The following EYA3 variants were observed in gnomAD, a reference collection of about 807,000 sequenced individuals.
EYA3 encodes EYA transcriptional coactivator and phosphatase 3, also known as protein phosphatase EYA3.
Under a neutral mutation model 80.0 loss-of-function variants are expected in EYA3, and 39 were observed. The ratio of observed to expected loss-of-function variants is 0.49; its 90% confidence interval spans 0.38 to 0.64. EYA3 has a LOEUF of 0.64. EYA3 is among the 30% of genes least tolerant of loss of function. The pLI, the probability that EYA3 is intolerant of heterozygous loss-of-function variation, is 0.00. For missense variants in EYA3, 523 were observed against 676.1 expected (o/e 0.77, Z 2.51); for synonymous variants, 206 against 232.8 (o/e 0.88, Z 1.05).
chr1:28,004,386 T>C lies in EYA3; in HGVS notation c.943A>G (p.Ile315Val). Residue 315 changes from isoleucine to valine, a missense_variant, in exon 11 of 18, where the codon ATC becomes GTC. This residue lies in a region of EYA3 where 219 missense variants were observed against 332.8 expected (regional missense o/e 0.66). Transcript: ENST00000373871. The stretch of plus-strand genomic sequence containing the variant: ...CCAGTAAGAAGTGAGTGGAAGATGA[T>C]GATGGTTTCATCCAAGTCCCACAGA... ...VFLWDLDETIIIFHSLLTGSY... is the reference protein window; with the variant it reads ...VFLWDLDETIVIFHSLLTGSY... 1 of 1,608,648 alleles carries C rather than the reference T, an allele frequency of 6.2e-7. No homozygotes were observed. Among genetic ancestry groups the C allele is most frequent in the Non-Finnish European group, 8.5e-7 (1 of 1,175,962 alleles).
intron 1 of EYA3, among the ~76,000 whole-genome samples, chr1:28,058,918 T>C (rs1183555862): frequency 6.6e-6 from 1 of 152,242 alleles, no homozygotes; most frequent in Non-Finnish European, 1.5e-5. Context: ...ACTCCATTTC[T>C]ATCTAACAAA....
At chr1:28,051,234 G>T (rs1324891606) in intron 2 of EYA3, among the ~76,000 whole-genome samples, 1 of 151,952 alleles carries the variant, frequency 6.6e-6, no homozygotes, top group African/African-American at 2.4e-5. Flanking sequence ...AAATCCTAAC[G>T]AATCCATTAA....
intron 1 of EYA3, among the ~76,000 whole-genome samples, chr1:28,074,613 G>GT (rs1387348064): frequency 6.6e-6 from 1 of 151,642 alleles, no homozygotes; most frequent in East Asian, 1.9e-4. Flanking sequence ...CACCATACCA[G>GT]GCCCTTTGAA....
At chr1:28,053,292 G>T (rs1340857969) in intron 2 of EYA3, among the ~76,000 whole-genome samples, 1 of 151,878 alleles carries the variant, frequency 6.6e-6, no homozygotes, top group Non-Finnish European at 1.5e-5. Flanking sequence ...TGAATTGTAG[G>T]ATATGTAAAT....
intron 2 of EYA3, among the ~76,000 whole-genome samples, chr1:28,054,485 C>T (rs1421555598): frequency 1.3e-5 from 2 of 152,204 alleles, no homozygotes; most frequent in Non-Finnish European, 2.9e-5. Flanking sequence ...TAAATAAGTT[C>T]TAACCCTCCA....
Position 28,075,368 on chromosome 1 carries a change from C to G in EYA3, c.-69+13156G>C, listed in dbSNP as rs74832332. 9.2e-3 allele frequency among the ~76,000 whole-genome samples: 1,399 copies of G among 152,324 alleles called. 10 individuals are homozygous for G. Among genetic ancestry groups the G allele is most frequent in the African/African-American group, 0.017 (700 of 41,574 alleles). On this transcript the variant is annotated intron_variant, in intron 1 of 17. Transcript: ENST00000373871. ...GATGGTGAGCACTCAAGTTGTTCAA[C>G]AACTGCCTTTAACTGTTTTCAATAA...
intron 5 of EYA3, among the ~76,000 whole-genome samples, chr1:28,038,267 T>C (rs936881433): frequency 1.3e-5 from 2 of 151,796 alleles, no homozygotes; most frequent in Non-Finnish European, 2.9e-5. Flanking sequence ...TGAAATCCCA[T>C]CTCTACTAAA....
chr1:28,077,864 C>G (rs897628179), intron 1 of EYA3, among the ~76,000 whole-genome samples: 2 of 152,110 alleles, frequency 1.3e-5, no homozygotes, highest in Non-Finnish European at 2.9e-5. Flanking sequence ...TTCTACATAC[C>G]TATATATCTC....
rs535864909 is a variant in EYA3 at position 28,059,039 on chromosome 1, AAAGT to A, written c.-68-949_-68-946del. 5.4e-3 allele frequency among the ~76,000 whole-genome samples: 830 copies of A among 152,374 alleles called. 6 individuals carry two copies. The highest frequency in any genetic ancestry group is 9.9e-3 in the Non-Finnish European group (672 of 68,024). ...CTGTACCTAACTCACATACAAAGCT[AAAGT>A]AAGTATATAATCTTATCACACAAGT... On this transcript the variant is annotated intron_variant, in intron 1 of 17. Transcript: ENST00000373871.
chr1:28,067,029 C>G (rs188900340), intron 1 of EYA3, among the ~76,000 whole-genome samples: 1 of 152,104 alleles, frequency 6.6e-6, no homozygotes, highest in East Asian at 1.9e-4. Context: ...ACAATAAAAC[C>G]AAGTGTTATC....
At chr1:27,998,664 A>T (rs1276809578) in intron 12 of EYA3, among the ~76,000 whole-genome samples, 2 of 151,694 alleles carry the variant, frequency 1.3e-5, no homozygotes, top group African/African-American at 2.4e-5. Context: ...ACTTGAGCTC[A>T]GGAGTTTGAG....
Position 27,989,783 on chromosome 1 carries a change from T to G in EYA3, c.1332A>C (p.Ala444=), listed in dbSNP as rs780993573. The G allele has an allele frequency of 6.2e-7, 1 of 1,611,228 alleles. No individual in the cohort carries two copies. Residue 444 remains alanine, a synonymous_variant, in exon 15 of 18, where the codon GCA becomes GCC. Coordinates refer to ENST00000373871, the MANE Select transcript of EYA3 (RefSeq NM_001990.4). ...CAATTTCTGCTCTTAATCTCTGCAG[T>G]GCTTCCTTCCTCTGGGGACTGAGGA... is the stretch of plus-strand genomic sequence containing the variant. The part of the protein sequence containing the change: ...GGLLSPQRKE[A]LQRLRAEIEV...
intron 2 of EYA3, among the ~76,000 whole-genome samples, chr1:28,056,000 T>C (rs1269288475): frequency 2.6e-5 from 4 of 152,300 alleles, no homozygotes; most frequent in African/African-American, 9.6e-5. Context: ...AAAAGCTTTT[T>C]TTTTTTACCT....
chr1:28,044,865 G>A (rs972810421), intron 3 of EYA3, among the ~76,000 whole-genome samples: 2 of 151,808 alleles, frequency 1.3e-5, no homozygotes, highest in African/African-American at 2.4e-5. Flanking sequence ...TTGACCTCCC[G>A]GGCTCAAGTG....
At chr1:28,047,623 A>G (rs1047631939) in intron 3 of EYA3, among the ~76,000 whole-genome samples, 1 of 150,434 alleles carries the variant, frequency 6.6e-6, no homozygotes, top group African/African-American at 2.4e-5. Flanking sequence ...AGGTGCAAAC[A>G]AGCTGCCTCT....
rs557749467 is a variant in EYA3 at position 28,009,161 on chromosome 1, A to G, written c.909+1786T>C. Among the ~76,000 whole-genome samples, 19 of 152,358 alleles carry G rather than the reference A, an allele frequency of 1.2e-4. No individual in the cohort carries two copies. Among genetic ancestry groups the G allele is most frequent in the Middle Eastern group, 3.4e-3 (1 of 294 alleles). ...CCTACATATATACCAAAAAGAATTGATAAGATGAACTCAGATAGATAATTG... is the reference window on the plus strand; with the variant it reads ...CCTACATATATACCAAAAAGAATTGGTAAGATGAACTCAGATAGATAATTG... On this transcript the variant is annotated intron_variant, in intron 10 of 17. Coordinates refer to ENST00000373871, the MANE Select transcript of EYA3 (RefSeq NM_001990.4). This position sits in a 1 kb window ranked among gnomAD's most constrained non-coding sequence, Gnocchi z 4.8.
At position 27,973,390 on chromosome 1, in the gene EYA3, G is replaced by A. The variant is rs964701683; in HGVS notation, c.*1076C>T. On this transcript the variant is annotated 3_prime_UTR_variant, in exon 18 of 18. Coordinates refer to ENST00000373871, the MANE Select transcript of EYA3 (RefSeq NM_001990.4). Reference sequence around the variant, plus strand: ...AAGAACCTAGCATTATGATGACCAAGAAGGAAGAAGCTGCAGGGACGAGCA... The same window carrying A: ...AAGAACCTAGCATTATGATGACCAAAAAGGAAGAAGCTGCAGGGACGAGCA... 2.6e-5 allele frequency: 4 copies of A among 152,338 alleles called. No homozygotes were observed. Among genetic ancestry groups the A allele is most frequent in the African/African-American group, 9.7e-5 (4 of 41,440 alleles). 9.4% of individuals were successfully genotyped at this position (152,338 alleles called of 1,614,324 possible). A position where few individuals can be genotyped will look rare whatever the true frequency, so the allele number is the denominator to read the frequency against.
intron 7 of EYA3, among the ~76,000 whole-genome samples, chr1:28,024,411 CT>C (rs200311194): frequency 0.014 from 2,089 of 151,922 alleles, 49 homozygotes; most frequent in African/African-American, 0.047. Context: ...AATCCCAGCA[CT>C]TTGGGAGGCC....
chr1:27,990,741 T>G (rs1044657221), intron 14 of EYA3, among the ~76,000 whole-genome samples: 1 of 151,848 alleles, frequency 6.6e-6, no homozygotes, highest in South Asian at 2.1e-4. Flanking sequence ...TTAGTAGAGA[T>G]GGGGTTTCAT....
Sources: gnomAD v4.1 joint callset for allele counts (sites outside exome capture counted in the v4.1 genomes callset) on GRCh38, gnomAD v4.1.1 for gene constraint, gnomAD v4.1.1 regional missense constraint, Gnocchi (gnomAD v3.1) non-coding constraint, MANE v1.5 for transcripts, NCBI Gene and HGNC (gene_info 2026-07-23, HGNC 2026-07-21) for gene names.